The following ROBO1 variants were observed in gnomAD, a reference collection of about 807,000 sequenced individuals.
The protein encoded by ROBO1 is roundabout homolog 1.
ROBO1 carries 149 observed loss-of-function variants against 195.9 expected under a neutral mutation model. That is an observed-to-expected ratio of 0.76 (90% confidence interval 0.67 to 0.87). The LOEUF is 0.87. ROBO1 is among the 40% of genes least tolerant of loss of function. The pLI is 0.00. For missense variants in ROBO1, 1,933 were observed against 2,068.3 expected (o/e 0.93, Z 1.27); for synonymous variants, 816 against 733.2 (o/e 1.11, Z -1.82).
intron 1 of ROBO1, among the ~76,000 whole-genome samples, chr3:79,688,434 T>G (rs183626645): frequency 9.2e-5 from 14 of 152,212 alleles, no homozygotes; most frequent in Non-Finnish European, 2.9e-5. Context: ...CTATTCCAGT[T>G]TTTGCAAGAC....
At chr3:78,699,505 G>A (rs1324079365) in intron 8 of ROBO1, among the ~76,000 whole-genome samples, 2 of 150,782 alleles carry the variant, frequency 1.3e-5, no homozygotes, top group Non-Finnish European at 3.0e-5. Context: ...GGAGGTGGAG[G>A]TTGCAGTGAG....
chr3:79,751,525 C>T (rs557337410), intron 1 of ROBO1, among the ~76,000 whole-genome samples: 1 of 152,102 alleles, frequency 6.6e-6, no homozygotes, highest in Admixed American at 6.6e-5. Context: ...TAGCTAAGTG[C>T]TATTGTTAAA....
At chr3:79,731,241 T>C (rs1453702651) in intron 1 of ROBO1, among the ~76,000 whole-genome samples, 1 of 152,206 alleles carries the variant, frequency 6.6e-6, no homozygotes, top group Non-Finnish European at 1.5e-5. Context: ...TGAGTGCCTA[T>C]GATTTTTTCT....
intron 3 of ROBO1, among the ~76,000 whole-genome samples, chr3:79,059,515 T>C (rs895148736): frequency 1.1e-4 from 16 of 152,054 alleles, no homozygotes; most frequent in African/African-American, 3.4e-4. Context: ...AAGAGAGCGA[T>C]GTTGTGGGAA....
intron 3 of ROBO1, among the ~76,000 whole-genome samples, chr3:79,068,862 C>T (rs1421192023): frequency 6.6e-6 from 1 of 151,886 alleles, no homozygotes; most frequent in African/African-American, 2.4e-5. Context: ...TCAACTTCTG[C>T]AGTACTAACA....
intron 2 of ROBO1, among the ~76,000 whole-genome samples, chr3:79,189,278 AAT>A (rs1231709310): frequency 3.3e-5 from 5 of 151,882 alleles, no homozygotes. Context: ...TTAAAATATT[AAT>A]AAGAGGAATT....
chr3:79,753,029 G>A (rs1156856634), intron 1 of ROBO1, among the ~76,000 whole-genome samples: 1 of 152,032 alleles, frequency 6.6e-6, no homozygotes, highest in Non-Finnish European at 1.5e-5. Flanking sequence ...ATTTGGGTGG[G>A]AATGAGGGCA....
chr3:78,718,447 C>T (rs1009109169), intron 5 of ROBO1, among the ~76,000 whole-genome samples: 5 of 152,012 alleles, frequency 3.3e-5, no homozygotes, highest in African/African-American at 1.2e-4. Context: ...TTGCTGCCAC[C>T]CAAGCTGGTT....
At chr3:79,156,933 T>C (rs1309283084) in intron 2 of ROBO1, among the ~76,000 whole-genome samples, 2 of 151,892 alleles carry the variant, frequency 1.3e-5, no homozygotes, top group Non-Finnish European at 2.9e-5. Context: ...GAAAGTATCA[T>C]CTAGTTATGG....
chr3:79,632,673 C>T (rs1226966784), intron 1 of ROBO1, among the ~76,000 whole-genome samples: 1 of 152,032 alleles, frequency 6.6e-6, no homozygotes, highest in African/African-American at 2.4e-5. Flanking sequence ...AAACCTAGAA[C>T]TGTACATATT....
chr3:78,832,151 C>A (rs2108744850), intron 4 of ROBO1, among the ~76,000 whole-genome samples: 1 of 152,282 alleles, frequency 6.6e-6, no homozygotes, highest in African/African-American at 2.4e-5. Context: ...AAAAGAGTCA[C>A]CCAAAGATCC....
intron 1 of ROBO1, among the ~76,000 whole-genome samples, chr3:79,622,330 G>A (rs1476812706): frequency 1.3e-5 from 2 of 152,194 alleles, no homozygotes; most frequent in African/African-American, 4.8e-5. Flanking sequence ...GGGAAGGGGC[G>A]ACCAGCACCC....
intron 1 of ROBO1, among the ~76,000 whole-genome samples, chr3:79,617,820 C>CA (rs60181598): frequency 0.55 from 31,906 of 57,860 alleles, 8,734 homozygotes; most frequent in African/African-American, 0.61. Context: ...GACTCTGTCT[C>CA]AAAAAAAAAA....
At chr3:78,697,620 T>C (rs1353845645) in intron 8 of ROBO1, among the ~76,000 whole-genome samples, 1 of 152,118 alleles carries the variant, frequency 6.6e-6, no homozygotes, top group Non-Finnish European at 1.5e-5. Context: ...AACTATGATG[T>C]CTCTAGAGGT....
chr3:79,072,517 A>G (rs1275575796), intron 3 of ROBO1, among the ~76,000 whole-genome samples: 5 of 151,878 alleles, frequency 3.3e-5, no homozygotes, highest in East Asian at 3.9e-4. Flanking sequence ...TTTATGTCCA[A>G]TCAAGTTTGC....
At chr3:78,932,851 T>C (rs2039606710) in intron 4 of ROBO1, among the ~76,000 whole-genome samples, 1 of 152,132 alleles carries the variant, frequency 6.6e-6, no homozygotes, top group South Asian at 2.1e-4. Context: ...TTAGCACATA[T>C]TACTTCTGCA....
chr3:78,892,897 TTCCTTAAAATTCAGGAC>T (rs1193846062), intron 4 of ROBO1, among the ~76,000 whole-genome samples: 3 of 152,142 alleles, frequency 2.0e-5, no homozygotes, highest in South Asian at 2.1e-4. Context: ...TATCGCCCAT[TTCCTTAAAATTCAGGAC>T]TCCTGGTCCT....
intron 2 of ROBO1, among the ~76,000 whole-genome samples, chr3:79,465,506 T>C (rs1417555032): frequency 6.6e-6 from 1 of 152,222 alleles, no homozygotes. Context: ...AATGGTTTTA[T>C]ATCAAATTGA....
intron 3 of ROBO1, among the ~76,000 whole-genome samples, chr3:79,001,112 G>A (rs534471540): frequency 6.6e-6 from 1 of 152,050 alleles, no homozygotes; most frequent in Non-Finnish European, 1.5e-5. Flanking sequence ...CACACACCGG[G>A]GCCTGTCAGG....
Sources: gnomAD v4.1 joint callset for allele counts (sites outside exome capture counted in the v4.1 genomes callset) on GRCh38, gnomAD v4.1.1 for gene constraint, MANE v1.5 for transcripts, NCBI Gene and HGNC (gene_info 2026-07-23, HGNC 2026-07-21) for gene names.